The following PTPRD variants were observed in gnomAD, a reference collection of about 807,000 sequenced individuals.
PTPRD encodes the protein protein tyrosine phosphatase receptor type D.
PTPRD carries 34 observed loss-of-function variants against 214.5 expected under a neutral mutation model. That is an observed-to-expected ratio of 0.16 (90% CI 0.12 to 0.21). The LOEUF (loss-of-function observed/expected upper bound fraction) is 0.21. Among genes scored for constraint, PTPRD ranks in the 10% least tolerant of loss-of-function variants. The pLI is 1.00. For missense variants in PTPRD, 2,545 were observed against 2,398.7 expected, an observed-to-expected ratio of 1.06 and a Z score of -1.27; for synonymous variants, 1,128 against 845.7, an observed-to-expected ratio of 1.33 and a Z score of -5.79.
intron 3 of PTPRD, among the ~76,000 whole-genome samples, chr9:10,094,444 C>A (rs2098462859): frequency 6.6e-6 from 1 of 150,598 alleles, no homozygotes; most frequent in Admixed American, 6.6e-5. Flanking sequence ...CCTAAACAAT[C>A]ATTTATGTCT....
At chr9:9,096,636 G>C (rs2099783943) in intron 10 of PTPRD, among the ~76,000 whole-genome samples, 1 of 152,084 alleles carries the variant, frequency 6.6e-6, no homozygotes, top group South Asian at 2.1e-4. Flanking sequence ...TATCAGAATA[G>C]AACAAATAAT....
chr9:9,735,020 CTTTGA>C (rs987851240), intron 6 of PTPRD, among the ~76,000 whole-genome samples: 4 of 151,980 alleles, frequency 2.6e-5, no homozygotes, highest in African/African-American at 9.7e-5. Context: ...TTAGTTCTGG[CTTTGA>C]TTTATTTTTG....
chr9:8,553,869 G>C (rs1000840623), intron 14 of PTPRD, among the ~76,000 whole-genome samples: 6 of 152,154 alleles, frequency 3.9e-5, no homozygotes, highest in African/African-American at 1.4e-4. Flanking sequence ...AAGGCGGCCA[G>C]TCTCTTACGA....
At chr9:9,991,700 C>T (rs1042252406) in intron 4 of PTPRD, among the ~76,000 whole-genome samples, 3 of 152,070 alleles carry the variant, frequency 2.0e-5, no homozygotes, top group African/African-American at 7.3e-5. Context: ...ACAGTCAAGT[C>T]ATAGAGAAAG....
chr9:8,792,761 G>A (rs901417980), intron 11 of PTPRD, among the ~76,000 whole-genome samples: 3 of 152,066 alleles, frequency 2.0e-5, no homozygotes, highest in Non-Finnish European at 4.4e-5. Flanking sequence ...AAGACCTCTC[G>A]TCCTTGCTCA....
intron 37 of PTPRD, among the ~76,000 whole-genome samples, chr9:8,383,890 C>T (rs1355549239): frequency 6.6e-6 from 1 of 152,126 alleles, no homozygotes; most frequent in Non-Finnish European, 1.5e-5. Context: ...TATATTCTAA[C>T]CCTGACTAAG....
intron 4 of PTPRD, among the ~76,000 whole-genome samples, chr9:9,941,619 A>G (rs1375844792): frequency 6.6e-6 from 1 of 152,192 alleles, no homozygotes; most frequent in Non-Finnish European, 1.5e-5. Flanking sequence ...CACTGAGCCC[A>G]GCCAAATGTG....
chr9:10,404,473 G>T (rs529502382), intron 2 of PTPRD, among the ~76,000 whole-genome samples: 19 of 151,798 alleles, frequency 1.3e-4, no homozygotes, highest in African/African-American at 4.6e-4. Flanking sequence ...TTTTTCAAAA[G>T]TACATAATCT....
chr9:9,233,054 T>C (rs2099964129), intron 9 of PTPRD, among the ~76,000 whole-genome samples: 1 of 152,130 alleles, frequency 6.6e-6, no homozygotes, highest in Non-Finnish European at 1.5e-5. Context: ...ACTCAGTCCC[T>C]GGGAATAAGG....
chr9:9,861,906 C>A (rs1010468360), intron 5 of PTPRD, among the ~76,000 whole-genome samples: 2 of 152,148 alleles, frequency 1.3e-5, no homozygotes, highest in Admixed American at 6.5e-5. Context: ...ATTATAATAG[C>A]AGCATATGCT....
In PTPRD at chr9:8,317,236, C is replaced by G. The variant is rs7863978; in HGVS notation, c.*638G>C. 1 of 231,342 alleles carries G rather than the reference C, an allele frequency of 4.3e-6. No homozygotes were observed. Among genetic ancestry groups the G allele is most frequent in the Non-Finnish European group, 8.6e-6 (1 of 116,880 alleles). 14.3% of individuals were successfully genotyped at this position (231,342 alleles called of 1,614,324 possible). A position where few individuals can be genotyped will look rare whatever the true frequency, so the allele number is the denominator to read the frequency against. ...CAGTTCTACAGCTTAAAAAAACCTACGATTTGGAAATAAAAAAATGAAGAG... is the reference window on the plus strand; with the variant it reads ...CAGTTCTACAGCTTAAAAAAACCTAGGATTTGGAAATAAAAAAATGAAGAG... On this transcript the variant is annotated 3_prime_UTR_variant, in exon 46 of 46. Transcript: ENST00000381196.
chr9:8,438,657 C>T (rs548404381), intron 34 of PTPRD: 1 of 152,260 alleles, frequency 6.6e-6, no homozygotes, highest in Non-Finnish European at 1.5e-5. Context: ...GACATCATTA[C>T]AGTGCTTTCA....
Position 8,341,860 on chromosome 9 carries a change from A to C in PTPRD, c.4780T>G (p.Tyr1594Asp), listed in dbSNP as rs920031806. 1.2e-6 allele frequency: 2 copies of C among 1,613,346 alleles called. No homozygotes were observed. The highest frequency in any genetic ancestry group is 1.3e-5 in the African/African-American group (1 of 74,792). The change falls in exon 40 of 46, where the codon TAT becomes GAT. Residue 1594 changes from tyrosine (Y) to aspartate (D), a missense_variant. Physicochemically the swap from Tyr to Asp is radical, Grantham distance 160. Transcript: ENST00000381196. ...HVTLMRAQRN[Y>D]MVQTEDQYIF... ...TATTGGTCTTCTGTTTGAACCATAT[A>C]GTTCCTCTGGGCTCTCATTAAAGTT...
At chr9:10,281,497 T>A (rs1447083840) in intron 3 of PTPRD, among the ~76,000 whole-genome samples, 2 of 151,868 alleles carry the variant, frequency 1.3e-5, no homozygotes, top group Non-Finnish European at 2.9e-5. Flanking sequence ...AGCCAGAAAG[T>A]GGCTGAGAAG....
chr9:8,633,042 C>T (rs1348281631), intron 14 of PTPRD, among the ~76,000 whole-genome samples: 1 of 151,892 alleles, frequency 6.6e-6, no homozygotes, highest in Admixed American at 6.6e-5. Context: ...TGTTTCCTTT[C>T]TAGATGCTCT....
chr9:9,330,568 G>A (rs1039994458), intron 9 of PTPRD, among the ~76,000 whole-genome samples: 10 of 152,010 alleles, frequency 6.6e-5, no homozygotes, highest in African/African-American at 2.4e-5. Context: ...ATTATTAAAA[G>A]TCTGTTCAGT....
chr9:10,329,622 A>G (rs1305861942), intron 3 of PTPRD, among the ~76,000 whole-genome samples: 1 of 151,826 alleles, frequency 6.6e-6, no homozygotes, highest in African/African-American at 2.4e-5. Context: ...ATTTTATACA[A>G]ATACCTGTTT....
chr9:9,055,872 T>A (rs1364551091), intron 10 of PTPRD, among the ~76,000 whole-genome samples: 1 of 151,310 alleles, frequency 6.6e-6, no homozygotes, highest in Non-Finnish European at 1.5e-5. Context: ...ATTATATATG[T>A]TATATATGTG....
chr9:9,453,050 G>A (rs1325715131), intron 8 of PTPRD, among the ~76,000 whole-genome samples: 1 of 147,010 alleles, frequency 6.8e-6, no homozygotes, highest in Non-Finnish European at 1.5e-5. Flanking sequence ...ATACATACTG[G>A]AAATTTAATA....
Sources: allele counts gnomAD v4.1 joint callset (sites outside exome capture counted in the v4.1 genomes callset), GRCh38; gene constraint gnomAD v4.1.1; transcripts MANE v1.5; gene names NCBI Gene and HGNC (gene_info 2026-07-23, HGNC 2026-07-21).